HAPLN3: variants seen among roughly 807,000 people sequenced by gnomAD.
The protein encoded by HAPLN3 is extracellular link domain containing, 1.
In HAPLN3, 28 loss-of-function variants were observed where a neutral mutation model predicts 28.1. That is an observed-to-expected ratio of 1.00 (90% CI 0.74 to 1.37). The LOEUF (loss-of-function observed/expected upper bound fraction) is 1.37. Among genes scored for constraint, HAPLN3 ranks in the 40% most tolerant of loss-of-function variants. The pLI is 0.00. For synonymous variants in HAPLN3, 211 were observed against 213.1 expected (o/e 0.99, Z 0.09); for missense variants, 513 against 504.6 (o/e 1.02, Z -0.16).
chr15:88,890,608 G>A (rs1432298938), intron 1 of HAPLN3, among the ~76,000 whole-genome samples: 3 of 152,122 alleles, frequency 2.0e-5, no homozygotes, highest in Admixed American at 2.0e-4. Flanking sequence ...AGCCTCCCTC[G>A]CAGCTAGGAG....
At position 88,880,881 on chromosome 15, in the gene HAPLN3, G is replaced by C. The variant is rs1218409221; in HGVS notation, c.493+476C>G. Among the ~76,000 whole-genome samples the C allele has an allele frequency of 6.6e-6, 1 of 152,200 alleles. No homozygotes were observed. Among genetic ancestry groups the C allele is most frequent in the East Asian group, 1.9e-4 (1 of 5,200 alleles). On this transcript the variant is annotated intron_variant, in intron 3 of 4. Transcript: ENST00000359595. This position sits in a 1 kb window ranked among gnomAD's most constrained non-coding sequence, Gnocchi z 6.0. ...ATTCTGGCGTGGCATCATCAGCTGG[G>C]CCTGAGTAGTGTGGGAGCTCCCTGG...
In HAPLN3 at chr15:88,880,775, T is replaced by A. The variant is rs909626614; in HGVS notation, c.493+582A>T. ...TTTTGTTTTGTTTTTAAAAAGGAGG[T>A]TTTTACATAAAAATCAGGAGATCTC... On this transcript the variant is annotated intron_variant, in intron 3 of 4. Coordinates refer to ENST00000359595, the MANE Select transcript of HAPLN3 (RefSeq NM_178232.4). This position sits in a 1 kb window ranked among gnomAD's most constrained non-coding sequence, Gnocchi z 6.0. Among the ~76,000 whole-genome samples, 7 of 150,640 alleles carry A rather than the reference T, an allele frequency of 4.6e-5. No homozygotes were observed. Among genetic ancestry groups the A allele is most frequent in the Non-Finnish European group, 8.8e-5 (6 of 67,814 alleles).
rs528777477 is a variant in HAPLN3 at position 88,880,150 on chromosome 15, G to C, written c.494-881C>G. ...GACAGTCAGCTTGCAGCCTCTACGT[G>C]TGTTTGCAGGGGGACTATTTCATGC... is the stretch of plus-strand genomic sequence containing the variant. On this transcript the variant is annotated intron_variant, in intron 3 of 4. Transcript: ENST00000359595. This position sits in a 1 kb window ranked among gnomAD's most constrained non-coding sequence, Gnocchi z 6.0. 5.3e-4 allele frequency: 531 copies of C among 995,360 alleles called. No individual in the cohort carries two copies. Among genetic ancestry groups the C allele is most frequent in the Non-Finnish European group, 6.0e-4 (502 of 836,410 alleles). 61.7% of individuals were successfully genotyped at this position (995,360 alleles called of 1,614,324 possible). A position where few individuals can be genotyped will look rare whatever the true frequency, so the allele number is the denominator to read the frequency against.
Position 88,880,050 on chromosome 15 carries a change from C to G in HAPLN3, c.494-781G>C. 1.0e-6 allele frequency: 1 copy of G among 994,208 alleles called. No homozygotes were observed. The highest frequency in any genetic ancestry group is 1.2e-6 in the Non-Finnish European group (1 of 835,506). 61.6% of individuals were successfully genotyped at this position (994,208 alleles called of 1,614,324 possible). A position where few individuals can be genotyped will look rare whatever the true frequency, so the allele number is the denominator to read the frequency against. ...CCCAGGAACAGCCTGAGCCCCAAAC[C>G]TCCGATCTCACCAGGGCCGGAAGCC... On this transcript the variant is annotated intron_variant, in intron 3 of 4. Transcript: ENST00000359595. The surrounding 1 kb of genome is among the most constrained non-coding windows in gnomAD (Gnocchi z 6.0).
Position 88,881,663 on chromosome 15 carries a change from C to T in HAPLN3, c.187G>A (p.Gly63Arg). 5.0e-6 allele frequency: 8 copies of T among 1,613,866 alleles called. No individual in the cohort carries two copies. The highest frequency in any genetic ancestry group is 4.2e-6 in the Non-Finnish European group (5 of 1,179,996). ...TPEETLFTYQ[G>R]ASVILPCRYR... is the part of the protein sequence containing the mutation. The stretch of plus-strand genomic sequence containing the variant: ...CGGCAGGGCAGGATCACACTGGCCC[C>T]TTGGTAGGTGAACAGGGTCTCCTCG... Residue 63 changes from glycine to arginine, a missense_variant, in exon 3 of 5, where the codon GGG becomes AGG. Transcript: ENST00000359595. This position sits in a 1 kb window ranked among gnomAD's most constrained non-coding sequence, Gnocchi z 6.0.
intron 2 of HAPLN3, among the ~76,000 whole-genome samples, chr15:88,886,350 T>TAA (rs532267599): frequency 0.11 from 14,374 of 127,620 alleles, 1,143 homozygotes; most frequent in African/African-American, 0.22. Flanking sequence ...GACTCCATCT[T>TAA]AAAAAAAAAA....
In HAPLN3 at chr15:88,887,072, G is replaced by T. The variant is rs547585763; in HGVS notation, c.124+103C>A. 3.1e-6 allele frequency: 4 copies of T among 1,293,776 alleles called. No homozygotes were observed. The African/African-American group carries it at 4.4e-5, about 14-fold the overall frequency. The allele number at this position is 1,293,776 out of a possible 1,614,324, so 80.1% of individuals were successfully genotyped here. On this transcript the variant is annotated intron_variant, in intron 2 of 4. Coordinates refer to ENST00000359595, the MANE Select transcript of HAPLN3 (RefSeq NM_178232.4). ...ACTACAAGGGCCCTGCTGGAACAGG[G>T]CTGCTGTCCCTGTCCCAGCCTGGAA...
At position 88,880,607 on chromosome 15, in the gene HAPLN3, C is replaced by A; in HGVS notation, c.493+750G>T. The A allele has an allele frequency of 9.3e-6, 12 of 1,288,590 alleles. No homozygotes were observed. Among genetic ancestry groups the A allele is most frequent in the Non-Finnish European group, 1.1e-5 (11 of 988,316 alleles). 79.8% of individuals were successfully genotyped at this position (1,288,590 alleles called of 1,614,324 possible). ...GGAGAGATGTGAGGACACACAGCCC[C>A]ATCCTAGAGACAGAGAAGGTAAATA... On this transcript the variant is annotated intron_variant, in intron 3 of 4. Coordinates refer to ENST00000359595, the MANE Select transcript of HAPLN3 (RefSeq NM_178232.4). This position sits in a 1 kb window ranked among gnomAD's most constrained non-coding sequence, Gnocchi z 6.0.
At chr15:88,883,401 C>T (rs1440022299) in intron 2 of HAPLN3, among the ~76,000 whole-genome samples, 2 of 152,202 alleles carry the variant, frequency 1.3e-5, no homozygotes, top group Middle Eastern at 3.2e-3. Flanking sequence ...CCAGGGAAGT[C>T]AAGACTCAGC....
Position 88,879,355 on chromosome 15 carries a change from C to T in HAPLN3, c.494-86G>A, listed in dbSNP as rs1031742465. 1.9e-5 allele frequency: 30 copies of T among 1,585,152 alleles called. No homozygotes were observed. The African/African-American group carries it at 4.0e-4, about 21-fold the overall frequency. ...CGCTCTCCTCCCACCTTCACTGGGACATGTGCTGCCTGCAACACACACACA... is the reference window on the plus strand; with the variant it reads ...CGCTCTCCTCCCACCTTCACTGGGATATGTGCTGCCTGCAACACACACACA... On this transcript the variant is annotated intron_variant, in intron 3 of 4. Transcript: ENST00000359595. This position sits in a 1 kb window ranked among gnomAD's most constrained non-coding sequence, Gnocchi z 5.0.
Position 88,888,584 on chromosome 15 carries a change from C to T in HAPLN3, c.-47-1239G>A, listed in dbSNP as rs1322229420. Among the ~76,000 whole-genome samples the T allele has an allele frequency of 6.6e-6, 1 of 152,112 alleles. No individual in the cohort carries two copies. Among genetic ancestry groups the T allele is most frequent in the Admixed American group, 6.6e-5 (1 of 15,260 alleles). On this transcript the variant is annotated intron_variant, in intron 1 of 4. Transcript: ENST00000359595. The surrounding 1 kb of genome is among the most constrained non-coding windows in gnomAD (Gnocchi z 4.1). ...CTTCCTCCCCCGCTTAAATCTCACACCAAGGGCTACTGCCTCACTCATGTC... is the reference window on the plus strand; with the variant it reads ...CTTCCTCCCCCGCTTAAATCTCACATCAAGGGCTACTGCCTCACTCATGTC...
At position 88,879,393 on chromosome 15, in the gene HAPLN3, C is replaced by T; in HGVS notation, c.494-124G>A. ...CAACACACACACATACACCATCCCTCAGAAAAACTCAGCAAACCTCTGACC... is the reference window on the plus strand; with the variant it reads ...CAACACACACACATACACCATCCCTTAGAAAAACTCAGCAAACCTCTGACC... On this transcript the variant is annotated intron_variant, in intron 3 of 4. Coordinates refer to ENST00000359595, the MANE Select transcript of HAPLN3 (RefSeq NM_178232.4). This position sits in a 1 kb window ranked among gnomAD's most constrained non-coding sequence, Gnocchi z 5.0. 1 of 1,545,546 alleles carries T rather than the reference C, an allele frequency of 6.5e-7. No individual in the cohort carries two copies.
rs1329216396 is a variant in HAPLN3 at position 88,880,117 on chromosome 15, T to C, written c.494-848A>G. On this transcript the variant is annotated intron_variant, in intron 3 of 4. Coordinates refer to ENST00000359595, the MANE Select transcript of HAPLN3 (RefSeq NM_178232.4). This position sits in a 1 kb window ranked among gnomAD's most constrained non-coding sequence, Gnocchi z 6.0. ...CCAGGTTGGGCGGCAGAGAAGCCCA[T>C]GGGCCCTGACAGTCAGCTTGCAGCC... 4 of 992,288 alleles carry C rather than the reference T, an allele frequency of 4.0e-6. No individual in the cohort carries two copies. The highest frequency in any genetic ancestry group is 4.8e-6 in the Non-Finnish European group (4 of 834,442). 61.5% of individuals were successfully genotyped at this position (992,288 alleles called of 1,614,324 possible).
chr15:88,886,077 C>T (rs1324099265), intron 2 of HAPLN3, among the ~76,000 whole-genome samples: 2 of 152,188 alleles, frequency 1.3e-5, no homozygotes, highest in African/African-American at 4.8e-5. Flanking sequence ...CGGCAAGGCT[C>T]GTTGGCTCAC....
chr15:88,894,630 C>T (rs939133940), intron 1 of HAPLN3, among the ~76,000 whole-genome samples: 15 of 152,150 alleles, frequency 9.9e-5, no homozygotes, highest in Non-Finnish European at 1.9e-4. Context: ...AAGCCAGGGC[C>T]CCTCTCAATC....
chr15:88,886,295 G>A (rs1016674751), intron 2 of HAPLN3, among the ~76,000 whole-genome samples: 5 of 149,110 alleles, frequency 3.4e-5, no homozygotes, highest in African/African-American at 1.0e-4. Flanking sequence ...AGGCTGCAGT[G>A]AGCCAAGATC....
At position 88,878,886 on chromosome 15, in the gene HAPLN3, C is replaced by T. The variant is rs1054754075; in HGVS notation, c.796+81G>A. 2.1e-5 allele frequency: 30 copies of T among 1,414,006 alleles called. No individual in the cohort carries two copies. The African/African-American group carries it at 4.2e-4, about 20-fold the overall frequency. 87.6% of individuals were successfully genotyped at this position (1,414,006 alleles called of 1,614,324 possible). A position where few individuals can be genotyped will look rare whatever the true frequency, so the allele number is the denominator to read the frequency against. On this transcript the variant is annotated intron_variant, in intron 4 of 4. Transcript: ENST00000359595. ...TACCAGCAGAGCCAGCAGAGGGGGC[C>T]AGAGCTCCCCAGAAGCTGCCCTCTC... is the stretch of plus-strand genomic sequence containing the variant.
chr15:88,879,367 G>A lies in HAPLN3; in HGVS notation c.494-98C>T, dbSNP rs1897633554. On this transcript the variant is annotated intron_variant, in intron 3 of 4. Transcript: ENST00000359595. This position sits in a 1 kb window ranked among gnomAD's most constrained non-coding sequence, Gnocchi z 5.0. Reference sequence around the variant, plus strand: ...ACCTTCACTGGGACATGTGCTGCCTGCAACACACACACATACACCATCCCT... The same window carrying A: ...ACCTTCACTGGGACATGTGCTGCCTACAACACACACACATACACCATCCCT... 2 of 1,574,648 alleles carry A rather than the reference G, an allele frequency of 1.3e-6. No individual in the cohort carries two copies. Among genetic ancestry groups the A allele is most frequent in the Middle Eastern group, 1.7e-4 (1 of 6,032 alleles).
In HAPLN3 at chr15:88,893,849, AC is replaced by A. The variant is rs1310243275; in HGVS notation, c.-48+1609del. ...AGGCTGAAGCAGAAGAATCGCTTGA[AC>A]CCAGGAGGCGGAGGTTGCAGTGAGC... On this transcript the variant is annotated intron_variant, in intron 1 of 4. Coordinates refer to ENST00000359595, the MANE Select transcript of HAPLN3 (RefSeq NM_178232.4). Among the ~76,000 whole-genome samples, 3 of 149,758 alleles carry A rather than the reference AC, an allele frequency of 2.0e-5. No individual in the cohort carries two copies. In the East Asian group the frequency reaches 5.9e-4, roughly 29 times the overall value.
Sources: allele counts gnomAD v4.1 joint callset (sites outside exome capture counted in the v4.1 genomes callset), GRCh38; gene constraint gnomAD v4.1.1; non-coding constraint Gnocchi (gnomAD v3.1); transcripts MANE v1.5; gene names NCBI Gene and HGNC (gene_info 2026-07-23, HGNC 2026-07-21).